HOOK3: variants seen among roughly 807,000 people sequenced by gnomAD.
HOOK3 encodes protein Hook homolog 3.
Under a neutral mutation model 116.3 loss-of-function variants are expected in HOOK3, and 24 were observed. The observed-to-expected ratio is 0.21, with a 90% CI of 0.15 to 0.29. HOOK3 has a LOEUF of 0.29. Ranked by LOEUF, HOOK3 falls within the 10% of genes least tolerant of loss-of-function variation. The pLI is 1.00. For synonymous variants in HOOK3, 275 were observed against 283.0 expected (o/e 0.97, Z 0.28); for missense variants, 632 against 830.2 (o/e 0.76, Z 2.93).
intron 4 of HOOK3, among the ~76,000 whole-genome samples, chr8:42,937,625 T>A (rs1468910491): frequency 6.6e-6 from 1 of 152,180 alleles, no homozygotes; most frequent in African/African-American, 2.4e-5. Flanking sequence ...ACTTACTTAT[T>A]TCTGCCTTCA....
chr8:42,999,535 A>G, intron 16 of HOOK3, among the ~76,000 whole-genome samples: 1 of 152,238 alleles, frequency 6.6e-6, no homozygotes, highest in East Asian at 1.9e-4. Context: ...TCTAACTTAA[A>G]GTGTTGCATC....
chr8:42,963,563 T>G (rs953300318), intron 8 of HOOK3, among the ~76,000 whole-genome samples: 1 of 152,248 alleles, frequency 6.6e-6, no homozygotes, highest in Non-Finnish European at 1.5e-5. Context: ...CATGTGGTAG[T>G]TGCATGTTTA....
intron 17 of HOOK3, among the ~76,000 whole-genome samples, chr8:43,005,052 A>C (rs1408866062): frequency 6.6e-6 from 1 of 151,550 alleles, no homozygotes; most frequent in East Asian, 1.9e-4. Flanking sequence ...AATAGGGGAA[A>C]TGTGAAATAA....
chr8:42,929,990 T>C, intron 3 of HOOK3, 132 bp from the exon 4 acceptor site: 1 of 776,636 alleles, frequency 1.3e-6, no homozygotes, highest in Non-Finnish European at 2.0e-6. Context: ...TCAAATATGC[T>C]TTTGAATTTT....
intron 16 of HOOK3, among the ~76,000 whole-genome samples, chr8:42,999,216 G>C (rs1055943769): frequency 6.6e-6 from 1 of 152,110 alleles, no homozygotes; most frequent in Non-Finnish European, 1.5e-5. Context: ...ATTAGGTATC[G>C]CTATGGTAAT....
In HOOK3 at chr8:42,912,196, CAAGT is replaced by C. The variant is rs1466778727; in HGVS notation, c.143+5939_143+5942del. On this transcript the variant is annotated intron_variant, in intron 2 of 21. Coordinates refer to ENST00000307602, the MANE Select transcript of HOOK3 (RefSeq NM_032410.4). ...GTCCTTCTCATTTTGTCTGAGCTGA[CAAGT>C]GAGAAGCTACATCATTTTGTAGTTT... 7.2e-5 allele frequency among the ~76,000 whole-genome samples: 11 copies of C among 152,124 alleles called. 1 individual carries two copies. The highest frequency in any genetic ancestry group is 5.9e-4 in the Admixed American group (9 of 15,262).
chr8:43,028,758 A>G lies in HOOK3; in HGVS notation c.*10260A>G, dbSNP rs1280469319. 1.0e-5 allele frequency: 2 copies of G among 197,704 alleles called. No homozygotes were observed. The highest frequency in any genetic ancestry group is 2.1e-5 in the Non-Finnish European group (2 of 95,536). The allele number at this position is 197,704 out of a possible 1,614,324, so 12.2% of individuals were successfully genotyped here. On this transcript the variant is annotated 3_prime_UTR_variant, in exon 22 of 22. Coordinates refer to ENST00000307602, the MANE Select transcript of HOOK3 (RefSeq NM_032410.4). Reference sequence around the variant, plus strand: ...AATGGATCTATAGTAACATGTCTAAATTTTTTAATGGAAATAAGGGACTAA... The same window carrying G: ...AATGGATCTATAGTAACATGTCTAAGTTTTTTAATGGAAATAAGGGACTAA...
intron 11 of HOOK3, among the ~76,000 whole-genome samples, chr8:42,970,083 T>G (rs1160051431): frequency 6.6e-6 from 1 of 152,238 alleles, no homozygotes; most frequent in Non-Finnish European, 1.5e-5. Context: ...AGGTATTTAA[T>G]CCACTTGGAA....
At position 42,964,501 on chromosome 8, in the gene HOOK3, T is replaced by C. The variant is rs750580678; in HGVS notation, c.779+27T>C. 3.1e-6 allele frequency: 5 copies of C among 1,601,062 alleles called. No individual in the cohort carries two copies. The East Asian group carries it at 1.1e-4, about 36-fold the overall frequency. On this transcript the variant is annotated intron_variant, in intron 9 of 21. Transcript: ENST00000307602. The stretch of plus-strand genomic sequence containing the variant: ...TAAAAGACAACTCATTAAAATCTGA[T>C]TTTTAAAAATTTGTTAGCTGTCATT...
intron 16 of HOOK3, among the ~76,000 whole-genome samples, chr8:42,999,137 G>T (rs1242304623): frequency 6.6e-6 from 1 of 152,188 alleles, no homozygotes; most frequent in East Asian, 1.9e-4. Context: ...TGGCCATTGT[G>T]CATGGTTCTC....
chr8:43,028,456 T>G lies in HOOK3; in HGVS notation c.*9958T>G, dbSNP rs775981386. On this transcript the variant is annotated 3_prime_UTR_variant, in exon 22 of 22. Coordinates refer to ENST00000307602, the MANE Select transcript of HOOK3 (RefSeq NM_032410.4). ...ATAAAGATTGATAGATTTAATGATA[T>G]CCTTCCTTTTAAATTTATATAGATC... 11 of 186,790 alleles carry G rather than the reference T, an allele frequency of 5.9e-5. No homozygotes were observed. The highest frequency in any genetic ancestry group is 1.2e-4 in the Non-Finnish European group (11 of 88,532). The allele number at this position is 186,790 out of a possible 1,614,324, so 11.6% of individuals were successfully genotyped here.
At chr8:42,911,468 T>A (rs1807427891) in intron 2 of HOOK3, among the ~76,000 whole-genome samples, 1 of 151,962 alleles carries the variant, frequency 6.6e-6, no homozygotes, top group South Asian at 2.1e-4. Flanking sequence ...AGACATAATC[T>A]AAGGGCTATA....
intron 8 of HOOK3, among the ~76,000 whole-genome samples, chr8:42,960,587 A>G (rs978499001): frequency 1.3e-5 from 2 of 152,204 alleles, no homozygotes; most frequent in South Asian, 4.1e-4. Context: ...GGAAAGGGAG[A>G]GCCAGAAATG....
rs1259165844 is a variant in HOOK3 at position 43,022,078 on chromosome 8, G to T, written c.*3580G>T. On this transcript the variant is annotated 3_prime_UTR_variant, in exon 22 of 22. Transcript: ENST00000307602. The stretch of plus-strand genomic sequence containing the variant: ...TTTATGATGTTTAAAAACAAAACAG[G>T]CTGTTGTAAAAAAAAAAAAAAAAAA... The T allele has an allele frequency of 5.3e-6, 1 of 187,308 alleles. No homozygotes were observed. The highest frequency in any genetic ancestry group is 1.1e-5 in the Non-Finnish European group (1 of 92,868). 11.6% of individuals were successfully genotyped at this position (187,308 alleles called of 1,614,324 possible). A position where few individuals can be genotyped will look rare whatever the true frequency, so the allele number is the denominator to read the frequency against.
At chr8:42,973,764 A>G (rs1200950955) in intron 12 of HOOK3, among the ~76,000 whole-genome samples, 2 of 152,178 alleles carry the variant, frequency 1.3e-5, no homozygotes, top group African/African-American at 2.4e-5. Context: ...AAATATTTCT[A>G]CTTTTTCATG....
rs139994224 is a variant in HOOK3, at chr8:42,915,246, C to T, written c.143+8988C>T. ...AAATATAATTAGCTGGGCATGGTGG[C>T]GCATACTTGTAGTCCTAACCTCCCA... is the stretch of plus-strand genomic sequence containing the variant. On this transcript the variant is annotated intron_variant, in intron 2 of 21. Transcript: ENST00000307602. Among the ~76,000 whole-genome samples the T allele has an allele frequency of 5.0e-3, 753 of 151,912 alleles. 5 individuals are homozygous for T. Among genetic ancestry groups the T allele is most frequent in the African/African-American group, 0.017 (721 of 41,404 alleles).
chr8:42,905,397 C>A (rs549103681), intron 1 of HOOK3, among the ~76,000 whole-genome samples: 29 of 149,664 alleles, frequency 1.9e-4, no homozygotes, highest in African/African-American at 7.2e-4. Flanking sequence ...ACTGCATTGG[C>A]CTAATCTTAA....
At chr8:42,930,958 G>T (rs996996197) in intron 4 of HOOK3, among the ~76,000 whole-genome samples, 2 of 152,134 alleles carry the variant, frequency 1.3e-5, no homozygotes, top group African/African-American at 4.8e-5. Flanking sequence ...TGATTTTACT[G>T]TTGCATTATT....
intron 13 of HOOK3, among the ~76,000 whole-genome samples, chr8:42,978,857 A>G (rs1257823072): frequency 1.3e-5 from 2 of 152,056 alleles, no homozygotes; most frequent in Non-Finnish European, 1.5e-5. Context: ...CCAGATAACC[A>G]TTTTCTCTTG....
Sources: allele counts gnomAD v4.1 joint callset (sites outside exome capture counted in the v4.1 genomes callset), GRCh38; gene constraint gnomAD v4.1.1; transcripts MANE v1.5; gene names NCBI Gene and HGNC (gene_info 2026-07-23, HGNC 2026-07-21).